PRICKLE1: variants seen among roughly 807,000 people sequenced by gnomAD.
The protein encoded by PRICKLE1 is prickle planar cell polarity protein 1, also known as prickle-like protein 1.
PRICKLE1 carries 14 observed loss-of-function variants against 70.2 expected under a neutral mutation model. The observed-to-expected ratio is 0.20, with a 90% confidence interval of 0.13 to 0.31. The LOEUF is 0.31. Among genes scored for constraint, PRICKLE1 ranks in the 10% least tolerant of loss-of-function variants. The pLI, the probability that PRICKLE1 is intolerant of heterozygous loss-of-function variation, is 1.00. For missense variants in PRICKLE1, 821 were observed against 1,026.2 expected, an observed-to-expected ratio of 0.80 and a Z score of 2.73; for synonymous variants, 357 against 379.9, an observed-to-expected ratio of 0.94 and a Z score of 0.70.
chr12:42,542,112 G>T (rs1940128303), intron 1 of PRICKLE1, among the ~76,000 whole-genome samples: 1 of 152,210 alleles, frequency 6.6e-6, no homozygotes, highest in Admixed American at 6.5e-5. Context: ...CTAGTAAGGA[G>T]CAGAGCTAGA....
chr12:42,580,579 A>G (rs1461545922), intron 1 of PRICKLE1, among the ~76,000 whole-genome samples: 1 of 152,200 alleles, frequency 6.6e-6, no homozygotes, highest in Non-Finnish European at 1.5e-5. Context: ...TTGCAAGTTG[A>G]CAAAATATAC....
At chr12:42,541,812 C>G (rs1940121373) in intron 1 of PRICKLE1, among the ~76,000 whole-genome samples, 1 of 152,182 alleles carries the variant, frequency 6.6e-6, no homozygotes, top group African/African-American at 2.4e-5. Context: ...ATTAGGCTGA[C>G]CTTTCCTTGA....
chr12:42,544,245 G>A (rs906726202), intron 1 of PRICKLE1, among the ~76,000 whole-genome samples: 1 of 152,044 alleles, frequency 6.6e-6, no homozygotes, highest in Non-Finnish European at 1.5e-5. Context: ...TGATTATGTT[G>A]GTCAGCACCA....
At position 42,470,434 on chromosome 12, in the gene PRICKLE1, C is replaced by A. The variant is rs77568691; in HGVS notation, c.133-75G>T. 11,990 of 1,042,738 alleles carry A rather than the reference C, an allele frequency of 0.011. 307 individuals carry two copies. The highest frequency in any genetic ancestry group is 0.085 in the East Asian group (3,557 of 41,936). The allele number at this position is 1,042,738 out of a possible 1,614,324, so 64.6% of individuals were successfully genotyped here. A position where few individuals can be genotyped will look rare whatever the true frequency, so the allele number is the denominator to read the frequency against. On this transcript the variant is annotated intron_variant, in intron 2 of 7. Transcript: ENST00000345127. ...CAGCTCACTTAATCTTTAAAAGTTA[C>A]CTTTCCCTAGGTACAGGGTTTGGCC...
At chr12:42,552,054 A>C in intron 1 of PRICKLE1, among the ~76,000 whole-genome samples, 1 of 130,750 alleles carries the variant, frequency 7.6e-6, no homozygotes, top group African/African-American at 2.9e-5. Flanking sequence ...CATTCAAGAA[A>C]GTTACTTTTT....
chr12:42,550,835 T>A (rs138164120), intron 1 of PRICKLE1, among the ~76,000 whole-genome samples: 35 of 152,140 alleles, frequency 2.3e-4, no homozygotes, highest in African/African-American at 8.2e-4. Context: ...GTCAAGAGAG[T>A]TTCTCCTTTT....
chr12:42,566,654 C>A (rs1271863345), intron 1 of PRICKLE1, among the ~76,000 whole-genome samples: 1 of 152,212 alleles, frequency 6.6e-6, no homozygotes, highest in Non-Finnish European at 1.5e-5. Context: ...TGTGTAAAAT[C>A]ATTCTTAAAC....
intron 1 of PRICKLE1, among the ~76,000 whole-genome samples, chr12:42,497,170 A>G (rs1479893513): frequency 6.6e-6 from 1 of 152,174 alleles, no homozygotes; most frequent in East Asian, 1.9e-4. Flanking sequence ...CAATATTGCT[A>G]TGTCTCAGAG....
At chr12:42,562,977 G>A (rs1284296361) in intron 1 of PRICKLE1, among the ~76,000 whole-genome samples, 1 of 151,868 alleles carries the variant, frequency 6.6e-6, no homozygotes, top group African/African-American at 2.4e-5. Flanking sequence ...GAGGTCAGGA[G>A]TTCGAGACCA....
At chr12:42,487,332 C>A (rs766994940) in intron 1 of PRICKLE1, among the ~76,000 whole-genome samples, 2 of 152,186 alleles carry the variant, frequency 1.3e-5, no homozygotes, top group Non-Finnish European at 2.9e-5. Context: ...AGATACCAAG[C>A]TCTTCTTAGG....
At chr12:42,553,175 G>T (rs1303363871) in intron 1 of PRICKLE1, among the ~76,000 whole-genome samples, 1 of 152,062 alleles carries the variant, frequency 6.6e-6, no homozygotes, top group Admixed American at 6.6e-5. Flanking sequence ...GGGCTTGGTG[G>T]CTCACGCCTG....
At chr12:42,497,887 T>C (rs973821897) in intron 1 of PRICKLE1, among the ~76,000 whole-genome samples, 3 of 152,162 alleles carry the variant, frequency 2.0e-5, no homozygotes, top group African/African-American at 7.2e-5. Context: ...TGCCTGCCCA[T>C]GTCCCCACCC....
chr12:42,465,432 T>C, intron 6 of PRICKLE1, 174 bp from the exon 7 acceptor site: 1 of 635,594 alleles, frequency 1.6e-6, no homozygotes, highest in South Asian at 2.1e-5. Flanking sequence ...GTGTGCCTAC[T>C]CATAAAAATT....
rs569561933 is a variant in PRICKLE1 at position 42,476,835 on chromosome 12, A to G, written c.-48-4271T>C. On this transcript the variant is annotated intron_variant, in intron 1 of 7. Transcript: ENST00000345127. ...AGTTTTTTGTTTTTGTTTTTTGTAG[A>G]GATGGGGTCTCCCTATGTTGCCCAG... Among the ~76,000 whole-genome samples, 4 of 150,732 alleles carry G rather than the reference A, an allele frequency of 2.7e-5. No homozygotes were observed. The East Asian group carries it at 8.0e-4, about 30-fold the overall frequency.
rs1938265240 is a variant in PRICKLE1, at chr12:42,470,297, C to T, written c.195G>A (p.Glu65=). ...EKVPYVNSPG[E]KHRIKQLLYQ... The stretch of plus-strand genomic sequence containing the variant: ...ACAAAAGCTGTTTAATCCGATGCTT[C>T]TCTCCGGGGCTGTTAACGTAAGGAA... The change falls in exon 3 of 8, where the codon GAG becomes GAA. Residue 65 remains glutamate, a synonymous_variant. Transcript: ENST00000345127. 6.2e-7 allele frequency: 1 copy of T among 1,614,150 alleles called. No individual in the cohort carries two copies. Among genetic ancestry groups the T allele is most frequent in the Non-Finnish European group, 8.5e-7 (1 of 1,180,030 alleles).
At chr12:42,517,932 G>A (rs1939638834) in intron 1 of PRICKLE1, among the ~76,000 whole-genome samples, 1 of 151,438 alleles carries the variant, frequency 6.6e-6, no homozygotes, top group African/African-American at 2.4e-5. Context: ...AGTTTGAAGG[G>A]GGAATTAAAA....
intron 1 of PRICKLE1, among the ~76,000 whole-genome samples, chr12:42,478,343 A>G (rs936492017): frequency 1.3e-5 from 2 of 152,178 alleles, no homozygotes; most frequent in African/African-American, 4.8e-5. Context: ...TAGGCATCCT[A>G]TTTCTCCAGT....
chr12:42,525,717 CTT>C (rs34785466), intron 1 of PRICKLE1, among the ~76,000 whole-genome samples: 4 of 138,492 alleles, frequency 2.9e-5, no homozygotes, highest in Admixed American at 7.3e-5. Context: ...GCTTTGTTTG[CTT>C]TTTTTTTTTT....
chr12:42,538,623 C>G (rs1031382539), intron 1 of PRICKLE1, among the ~76,000 whole-genome samples: 1 of 152,192 alleles, frequency 6.6e-6, no homozygotes, highest in Non-Finnish European at 1.5e-5. Flanking sequence ...CTTCTCTGAA[C>G]TTCTACTAGA....
Sources: gnomAD v4.1 joint callset for allele counts (sites outside exome capture counted in the v4.1 genomes callset) on GRCh38, gnomAD v4.1.1 for gene constraint, MANE v1.5 for transcripts, NCBI Gene and HGNC (gene_info 2026-07-23, HGNC 2026-07-21) for gene names.